Variants in RBFOX1 observed in about 807,000 individuals in gnomAD.
RBFOX1 encodes RNA binding protein fox-1 homolog 1.
Under a neutral mutation model 57.7 loss-of-function variants are expected in RBFOX1, and 8 were observed. The ratio of observed to expected loss-of-function variants is 0.14; its 90% CI spans 0.08 to 0.25. RBFOX1 has a LOEUF of 0.25. Ranked by LOEUF, RBFOX1 falls within the 10% of genes least tolerant of loss-of-function variation. The pLI is 1.00. For missense variants in RBFOX1, 611 were observed against 548.5 expected, an observed-to-expected ratio of 1.11 and a Z score of -1.14; for synonymous variants, 326 against 222.4, an observed-to-expected ratio of 1.47 and a Z score of -4.15.
rs151227805 is a variant in RBFOX1, at chr16:5,490,898, T to C, written c.258+23644T>C. On this transcript the variant is annotated intron_variant, in intron 2 of 2. Coordinates refer to the RBFOX1 transcript ENST00000585867. ...AGGATACGTCCTGGGAGGTGCGTCA[T>C]TGGGTGATTTCATTATGTGAACCTC... 3.9e-5 allele frequency among the ~76,000 whole-genome samples: 6 copies of C among 152,306 alleles called. No individual in the cohort carries two copies. The East Asian group carries it at 7.7e-4, about 20-fold the overall frequency.
At chr16:7,092,578 C>G (rs1044328505) in intron 4 of RBFOX1, among the ~76,000 whole-genome samples, 3 of 152,126 alleles carry the variant, frequency 2.0e-5, no homozygotes, top group African/African-American at 4.8e-5. Flanking sequence ...TATAAAAATC[C>G]TTGCTAGTTC....
chr16:6,002,066 G>T (rs1407258646), intron 4 of RBFOX1, among the ~76,000 whole-genome samples: 1 of 151,104 alleles, frequency 6.6e-6, no homozygotes, highest in East Asian at 1.9e-4. Context: ...CAAACTCTTG[G>T]GCTCAAGCGA....
chr16:7,080,077 ACATATGTATATATG>A (rs1567182904), intron 4 of RBFOX1, among the ~76,000 whole-genome samples: 10 of 142,966 alleles, frequency 7.0e-5, no homozygotes, highest in African/African-American at 2.7e-4. Context: ...ATACATATAT[ACATATGTATATATG>A]TATATATATA....
At chr16:6,074,448 C>G (rs376164568) in intron 1 of RBFOX1, among the ~76,000 whole-genome samples, 1 of 152,210 alleles carries the variant, frequency 6.6e-6, no homozygotes, top group Admixed American at 6.5e-5. Context: ...ATGATAAAAT[C>G]TCTTTGGTTG....
At chr16:6,774,887 G>A (rs1180944453) in intron 3 of RBFOX1, among the ~76,000 whole-genome samples, 2 of 152,002 alleles carry the variant, frequency 1.3e-5, no homozygotes. Context: ...AATAATTTTA[G>A]TTAATATAAA....
chr16:6,801,705 G>A (rs896933939), intron 3 of RBFOX1, among the ~76,000 whole-genome samples: 22 of 152,110 alleles, frequency 1.4e-4, no homozygotes, highest in African/African-American at 2.4e-4. Context: ...ATAATGAGGT[G>A]CAGATGAACT....
chr16:5,441,883 G>C (rs915329653), intron 1 of RBFOX1, among the ~76,000 whole-genome samples: 1 of 152,140 alleles, frequency 6.6e-6, no homozygotes, highest in Non-Finnish European at 1.5e-5. Context: ...CTGACACCAT[G>C]ATTCAGTAAT....
At chr16:5,726,847 C>G (rs558135713) in intron 3 of RBFOX1, among the ~76,000 whole-genome samples, 28 of 152,316 alleles carry the variant, frequency 1.8e-4, no homozygotes, top group African/African-American at 6.5e-4. Context: ...GGTGTCTCAG[C>G]TACAATCGTA....
At chr16:5,940,858 G>A (rs1004501058) in intron 4 of RBFOX1, among the ~76,000 whole-genome samples, 1 of 152,160 alleles carries the variant, frequency 6.6e-6, no homozygotes, top group South Asian at 2.1e-4. Flanking sequence ...CTGGGTGGGG[G>A]TTCCAACCCT....
chr16:6,753,371 C>T (rs371662806), intron 3 of RBFOX1, among the ~76,000 whole-genome samples: 9 of 152,150 alleles, frequency 5.9e-5, no homozygotes, highest in African/African-American at 2.2e-4. Context: ...AGTGAATAGT[C>T]ATATAGTCAA....
intron 4 of RBFOX1, among the ~76,000 whole-genome samples, chr16:7,437,848 C>A (rs1467491597): frequency 4.0e-5 from 6 of 150,894 alleles, no homozygotes; most frequent in African/African-American, 1.5e-4. Flanking sequence ...AGGAGGCAGT[C>A]CATTGGAAGC....
intron 1 of RBFOX1, among the ~76,000 whole-genome samples, chr16:5,324,822 A>G (rs911626374): frequency 3.3e-5 from 5 of 152,162 alleles, no homozygotes; most frequent in African/African-American, 1.2e-4. Context: ...AGGGTGGATA[A>G]TGGGAGGGAA....
intron 1 of RBFOX1, among the ~76,000 whole-genome samples, chr16:6,144,704 C>A (rs2096744422): frequency 6.6e-6 from 1 of 152,212 alleles, no homozygotes. Context: ...GAGCAGGGGC[C>A]AGATAGGTGT....
intron 3 of RBFOX1, among the ~76,000 whole-genome samples, chr16:6,783,388 A>AT (rs1380751717): frequency 2.4e-5 from 3 of 126,006 alleles, no homozygotes; most frequent in Admixed American, 8.0e-5. Flanking sequence ...CTGTCTTTTA[A>AT]TTTTTTTGTG....
intron 3 of RBFOX1, among the ~76,000 whole-genome samples, chr16:6,721,035 A>G (rs1007084067): frequency 6.6e-6 from 1 of 152,226 alleles, no homozygotes; most frequent in African/African-American, 2.4e-5. Context: ...GCTGGTGGTC[A>G]GGCATAGTCT....
chr16:5,795,085 G>A (rs2054831660), intron 3 of RBFOX1, among the ~76,000 whole-genome samples: 1 of 152,184 alleles, frequency 6.6e-6, no homozygotes, highest in Admixed American at 6.5e-5. Context: ...AGTTTCTCAT[G>A]TGGAGAATGG....
intron 2 of RBFOX1, among the ~76,000 whole-genome samples, chr16:5,593,859 C>T (rs72763274): frequency 0.08 from 12,103 of 152,162 alleles, 900 homozygotes; most frequent in African/African-American, 0.19. Flanking sequence ...ATCCAAGAAC[C>T]CTCGTTTGGG....
chr16:6,068,417 T>C (rs9936231), intron 1 of RBFOX1, among the ~76,000 whole-genome samples: 141,118 of 152,254 alleles, frequency 0.93, 65,457 homozygotes, highest in African/African-American at 0.95. Flanking sequence ...ATCAAAAGCC[T>C]ACCTAGAGTT....
At chr16:7,211,581 AAGAG>A (rs1382876876) in intron 4 of RBFOX1, among the ~76,000 whole-genome samples, 1 of 152,152 alleles carries the variant, frequency 6.6e-6, no homozygotes, top group African/African-American at 2.4e-5. Context: ...TGAGTCTTAA[AAGAG>A]AGAGAAAGAG....
Sources: gnomAD v4.1 joint callset for allele counts (sites outside exome capture counted in the v4.1 genomes callset) on GRCh38, gnomAD v4.1.1 for gene constraint, MANE v1.5 for transcripts, NCBI Gene and HGNC (gene_info 2026-07-23, HGNC 2026-07-21) for gene names.